The following BRPF3 variants were observed in gnomAD, a reference collection of about 807,000 sequenced individuals.
BRPF3 encodes the protein bromodomain and PHD finger-containing protein 3.
A neutral mutation model predicts 102.0 loss-of-function variants in BRPF3; 18 were observed. The ratio of observed to expected loss-of-function variants is 0.18; its 90% CI spans 0.12 to 0.26. BRPF3 has a LOEUF of 0.26. Among genes scored for constraint, BRPF3 ranks in the 10% least tolerant of loss-of-function variants. BRPF3 has a pLI of 1.00. For synonymous variants in BRPF3, 570 were observed against 614.2 expected, an observed-to-expected ratio of 0.93 and a Z score of 1.06; for missense variants, 1,147 against 1,567.8, an observed-to-expected ratio of 0.73 and a Z score of 4.53.
At chr6:36,204,880 T>TGG (rs1767850553) in intron 3 of BRPF3, 66 bp downstream of exon 3, 1 of 1,578,900 alleles carries the variant, frequency 6.3e-7, no homozygotes, top group East Asian at 2.2e-5. Context: ...GAATGATGGT[T>TGG]GGGGTGGGGC....
Position 36,200,668 on chromosome 6 carries a change from C to A in BRPF3, c.346C>A (p.Gln116Lys). The part of the protein sequence containing the change: ...HASGTSFHLP[Q>K]PSFRMVDSGI... ...ATCTGGTACTTCCTTCCACCTCCCA[C>A]AGCCCAGCTTCCGTATGGTGGACTC... The change falls in exon 2 of 13, where the codon CAG becomes AAG. Residue 116 changes from glutamine (Q) to lysine (K), a missense_variant. Gln to Lys is a moderately conservative substitution (Grantham distance 53). Coordinates refer to ENST00000357641, the MANE Select transcript of BRPF3 (RefSeq NM_015695.3). The surrounding 1 kb of genome is among the most constrained non-coding windows in gnomAD (Gnocchi z 5.3). 6.2e-7 allele frequency: 1 copy of A among 1,614,206 alleles called. No individual in the cohort carries two copies. The highest frequency in any genetic ancestry group is 8.5e-7 in the Non-Finnish European group (1 of 1,180,032).
In BRPF3 at chr6:36,214,320, C is replaced by T. The variant is rs1768248282; in HGVS notation, c.2923C>T (p.Arg975Trp). Residue 975 changes from arginine (R) to tryptophan (W), a missense_variant, in exon 8 of 13, where the codon CGG (arginine) becomes TGG (tryptophan). Physicochemically the swap from Arg to Trp is moderately radical, Grantham distance 101. Around this residue, in one of 11 missense-constraint regions of BRPF3, gnomAD observed 379 missense variants for 426.3 expected, o/e 0.89. Coordinates refer to ENST00000357641, the MANE Select transcript of BRPF3 (RefSeq NM_015695.3). The stretch of plus-strand genomic sequence containing the variant: ...CGAGGAAGAGCGCCACTCCCGGAAG[C>T]GGCCAAGGAGCAGGAGCTGTAGTGA... ...SIEEERHSRK[R>W]PRSRSCSESE... The T allele has an allele frequency of 1.2e-6, 2 of 1,613,264 alleles. No individual in the cohort carries two copies. Among genetic ancestry groups the T allele is most frequent in the Non-Finnish European group, 1.7e-6 (2 of 1,179,908 alleles).
intron 10 of BRPF3, among the ~76,000 whole-genome samples, chr6:36,222,850 CATAG>C (rs375054301): frequency 1.9e-3 from 287 of 152,300 alleles, no homozygotes; most frequent in Admixed American, 4.3e-3. Context: ...CAACCTTATG[CATAG>C]ATAATTTTAT....
Position 36,214,336 on chromosome 6 carries a change from G to T in BRPF3, c.2939G>T (p.Ser980Ile). 9 of 1,612,160 alleles carry T rather than the reference G, an allele frequency of 5.6e-6. No individual in the cohort carries two copies. The highest frequency in any genetic ancestry group is 2.2e-5 in the South Asian group (2 of 90,912). ...RHSRKRPRSR[S>I]CSESEGERSP... ...TCCCGGAAGCGGCCAAGGAGCAGGA[G>T]CTGTAGTGAGAGCGAAGGGGAGAGG... The change falls in exon 8 of 13, where the codon AGC (serine) becomes ATC (isoleucine). Residue 980 changes from serine to isoleucine, a missense_variant. Coordinates refer to ENST00000357641, the MANE Select transcript of BRPF3 (RefSeq NM_015695.3).
intron 4 of BRPF3, among the ~76,000 whole-genome samples, chr6:36,207,799 C>T (rs1767958248): frequency 6.6e-6 from 1 of 152,186 alleles, no homozygotes; most frequent in African/African-American, 2.4e-5. Flanking sequence ...AAGCCTCTGG[C>T]CTGGGAACTT....
intron 4 of BRPF3, among the ~76,000 whole-genome samples, chr6:36,209,163 T>C (rs1488219813): frequency 6.6e-6 from 1 of 152,264 alleles, no homozygotes; most frequent in Non-Finnish European, 1.5e-5. Flanking sequence ...AATTTGTATT[T>C]TTTTTCTTTT....
chr6:36,229,644 T>C (rs1359385942), intron 12 of BRPF3, among the ~76,000 whole-genome samples: 2 of 152,162 alleles, frequency 1.3e-5, no homozygotes, highest in African/African-American at 4.8e-5. Context: ...TCATTTATGG[T>C]TTACAACACT....
In BRPF3 at chr6:36,229,083, T is replaced by A. The variant is rs1417876613; in HGVS notation, c.3434+27T>A. ...TTAGTGGGTGCTGCTGTGAGGGGGC[T>A]GAGGGGCACGCCAGGGGTCTGTGCC... On this transcript the variant is annotated intron_variant, in intron 12 of 12. Coordinates refer to ENST00000357641, the MANE Select transcript of BRPF3 (RefSeq NM_015695.3). The A allele has an allele frequency of 3.7e-6, 6 of 1,609,856 alleles. No individual in the cohort carries two copies. The South Asian group carries it at 5.5e-5, about 15-fold the overall frequency.
chr6:36,220,772 G>C (rs950469184), intron 9 of BRPF3, among the ~76,000 whole-genome samples: 1 of 152,056 alleles, frequency 6.6e-6, no homozygotes, highest in African/African-American at 2.4e-5. Flanking sequence ...TTTCTATTTT[G>C]ACTAGCAATA....
chr6:36,220,232 C>A (rs2127293911), intron 9 of BRPF3, among the ~76,000 whole-genome samples: 1 of 152,272 alleles, frequency 6.6e-6, no homozygotes, highest in South Asian at 2.1e-4. Context: ...TTGAGCTCAT[C>A]CTTCTCAGAG....
In BRPF3 at chr6:36,231,094, T is replaced by A. The variant is rs77489825; in HGVS notation, c.*485T>A. 8.9e-3 allele frequency: 1,395 copies of A among 156,158 alleles called. 14 individuals carry two copies. The highest frequency in any genetic ancestry group is 0.039 in the Middle Eastern group (12 of 310). The allele number at this position is 156,158 out of a possible 1,614,324, so 9.7% of individuals were successfully genotyped here. A position where few individuals can be genotyped will look rare whatever the true frequency, so the allele number is the denominator to read the frequency against. ...CCCGCTTATCGCCTATTCTCACACC[T>A]CTTCTCGGTCCCATCTTCTGCACCC... On this transcript the variant is annotated 3_prime_UTR_variant, in exon 13 of 13. Transcript: ENST00000357641.
At chr6:36,204,489 T>G in intron 2 of BRPF3, 169 bp from the exon 3 acceptor site, 1 of 701,474 alleles carries the variant, frequency 1.4e-6, no homozygotes, top group South Asian at 1.7e-5. Context: ...TCTGAGCTGC[T>G]TAACTTTACT....
chr6:36,211,976 C>T (rs1303354494), intron 7 of BRPF3, among the ~76,000 whole-genome samples: 2 of 152,156 alleles, frequency 1.3e-5, no homozygotes, highest in Admixed American at 6.5e-5. Context: ...TGGAGAGACT[C>T]TAGAGCAGGT....
chr6:36,203,763 T>C (rs548686452), intron 2 of BRPF3, among the ~76,000 whole-genome samples: 2 of 152,352 alleles, frequency 1.3e-5, no homozygotes, highest in East Asian at 3.9e-4. Context: ...ACCCTGTGGA[T>C]AACCAGTCTG....
chr6:36,206,596 T>G (rs1767914243), intron 3 of BRPF3, among the ~76,000 whole-genome samples: 1 of 152,168 alleles, frequency 6.6e-6, no homozygotes, highest in Non-Finnish European at 1.5e-5. Flanking sequence ...TAATTCTGCC[T>G]CTATATTTCT....
At chr6:36,213,584 A>C (rs1768209628) in intron 7 of BRPF3, among the ~76,000 whole-genome samples, 1 of 151,720 alleles carries the variant, frequency 6.6e-6, no homozygotes, top group South Asian at 2.1e-4. Flanking sequence ...GTGCTTATAG[A>C]CCTAGCTACT....
Position 36,218,448 on chromosome 6 carries a change from A to C in BRPF3, c.3083+438A>C, listed in dbSNP as rs919244572. On this transcript the variant is annotated intron_variant, in intron 9 of 12. Transcript: ENST00000357641. ...AGGTGTATGAAATGACCAAGTAGGA[A>C]ATTTGGAATTGCCTTTTTTTTTTTT... 3.3e-5 allele frequency among the ~76,000 whole-genome samples: 5 copies of C among 150,076 alleles called. No individual in the cohort carries two copies. The East Asian group carries it at 9.9e-4, about 30-fold the overall frequency.
Position 36,214,020 on chromosome 6 carries a change from A to G in BRPF3, c.2623A>G (p.Arg875Gly), listed in dbSNP as rs1175291433. Residue 875 changes from arginine (R) to glycine (G), a missense_variant, in exon 8 of 13, where the codon AGA (arginine) becomes GGA (glycine). Arg to Gly is a moderately radical substitution (Grantham distance 125). Coordinates refer to ENST00000357641, the MANE Select transcript of BRPF3 (RefSeq NM_015695.3). ...SKPPSRFLKPRKVEEDELLEK... is the reference protein window; with the variant it reads ...SKPPSRFLKPGKVEEDELLEK... Reference sequence around the variant, plus strand: ...ACCTCCAAGCAGGTTCCTAAAGCCCAGAAAGGTGGAAGAAGATGAGCTCTT... The same window carrying G: ...ACCTCCAAGCAGGTTCCTAAAGCCCGGAAAGGTGGAAGAAGATGAGCTCTT... 1 of 1,613,908 alleles carries G rather than the reference A, an allele frequency of 6.2e-7. No individual in the cohort carries two copies. Among genetic ancestry groups the G allele is most frequent in the South Asian group, 1.1e-5 (1 of 91,080 alleles).
chr6:36,198,079 A>C (rs1169626679), intron 1 of BRPF3, among the ~76,000 whole-genome samples: 1 of 152,142 alleles, frequency 6.6e-6, no homozygotes, highest in African/African-American at 2.4e-5. Flanking sequence ...GTCTGCCCCC[A>C]GGGACTTGGC....
Sources: allele counts gnomAD v4.1 joint callset (sites outside exome capture counted in the v4.1 genomes callset), GRCh38; gene constraint gnomAD v4.1.1; regional missense constraint gnomAD v4.1.1; non-coding constraint Gnocchi (gnomAD v3.1); transcripts MANE v1.5; gene names NCBI Gene and HGNC (gene_info 2026-07-23, HGNC 2026-07-21).